The following DCC variants were observed in gnomAD, a reference collection of about 807,000 sequenced individuals.
DCC encodes netrin receptor DCC.
A neutral mutation model predicts 172.5 loss-of-function variants in DCC; 58 were observed. That is an observed-to-expected ratio of 0.34 (90% CI 0.27 to 0.42). DCC has a LOEUF of 0.42. Ranked by LOEUF, DCC falls within the 10% of genes least tolerant of loss-of-function variation. The pLI is 1.00. For synonymous variants in DCC, 709 were observed against 644.5 expected (o/e 1.10, Z -1.52); for missense variants, 1,740 against 1,791.0 (o/e 0.97, Z 0.51).
intron 7 of DCC, among the ~76,000 whole-genome samples, chr18:53,155,469 A>G (rs1271069566): frequency 6.6e-6 from 1 of 152,210 alleles, no homozygotes; most frequent in Non-Finnish European, 1.5e-5. Flanking sequence ...ATCACAGCAA[A>G]GCTGAATTAT....
At chr18:53,500,194 T>C (rs72918277) in intron 27 of DCC, among the ~76,000 whole-genome samples, 16,172 of 151,964 alleles carry the variant, frequency 0.11, 1,089 homozygotes, top group East Asian at 0.22. Context: ...CTCCATTTTG[T>C]TTTTGTTAGG....
At chr18:52,749,747 CTGTGTTAAATGTATTA>C (rs1484177030) in intron 1 of DCC, among the ~76,000 whole-genome samples, 1 of 152,112 alleles carries the variant, frequency 6.6e-6, no homozygotes. Flanking sequence ...TCATAAACAG[CTGTGTTAAATGTATTA>C]TGTGTTCTGT....
chr18:53,048,978 T>C (rs1599068494), intron 5 of DCC, among the ~76,000 whole-genome samples: 1 of 152,250 alleles, frequency 6.6e-6, no homozygotes, highest in Non-Finnish European at 1.5e-5. Context: ...TGTATGTATG[T>C]CTTCTTTTGA....
chr18:52,600,367 T>C (rs1173560875), intron 1 of DCC, among the ~76,000 whole-genome samples: 1 of 152,238 alleles, frequency 6.6e-6, no homozygotes, highest in Non-Finnish European at 1.5e-5. Flanking sequence ...ATTGGTCATT[T>C]GCACTCTTTT....
intron 1 of DCC, among the ~76,000 whole-genome samples, chr18:52,567,543 C>A (rs1041382971): frequency 2.0e-5 from 3 of 152,116 alleles, no homozygotes; most frequent in Non-Finnish European, 4.4e-5. Flanking sequence ...AGTGAGGTCT[C>A]AAACTCGTGG....
At chr18:52,705,140 C>T (rs1392347869) in intron 1 of DCC, among the ~76,000 whole-genome samples, 1 of 152,180 alleles carries the variant, frequency 6.6e-6, no homozygotes, top group South Asian at 2.1e-4. Context: ...TACATAAATG[C>T]TTGTCTCGCT....
At chr18:53,187,149 A>G (rs1025485369) in intron 9 of DCC, among the ~76,000 whole-genome samples, 1 of 148,672 alleles carries the variant, frequency 6.7e-6, no homozygotes, top group African/African-American at 2.5e-5. Flanking sequence ...TTGAGATGGA[A>G]TCTTGCACTC....
At chr18:52,374,096 G>A (rs982892560) in intron 1 of DCC, among the ~76,000 whole-genome samples, 42 of 151,632 alleles carry the variant, frequency 2.8e-4, no homozygotes, top group African/African-American at 9.9e-4. Flanking sequence ...GTTTCACTAT[G>A]TTAGCCAGGA....
intron 2 of DCC, among the ~76,000 whole-genome samples, chr18:52,854,863 C>T (rs1480309898): frequency 6.6e-6 from 1 of 152,152 alleles, no homozygotes; most frequent in African/African-American, 2.4e-5. Flanking sequence ...AGAGGCCTCC[C>T]AAGGACTGAC....
intron 1 of DCC, among the ~76,000 whole-genome samples, chr18:52,587,867 G>C (rs988832163): frequency 1.3e-5 from 2 of 152,148 alleles, no homozygotes; most frequent in Non-Finnish European, 2.9e-5. Flanking sequence ...TACAGGCTGG[G>C]GATGAGAAGG....
At chr18:53,284,448 G>C (rs1336056071) in intron 12 of DCC, among the ~76,000 whole-genome samples, 1 of 152,010 alleles carries the variant, frequency 6.6e-6, no homozygotes, top group Non-Finnish European at 1.5e-5. Flanking sequence ...TTAAAAATGG[G>C]GGTTTCCCTG....
At chr18:52,563,454 T>G (rs1056382423) in intron 1 of DCC, among the ~76,000 whole-genome samples, 1 of 152,130 alleles carries the variant, frequency 6.6e-6, no homozygotes. Flanking sequence ...GTCTAAATAT[T>G]AGTATGAACT....
At chr18:52,468,293 T>C (rs1057177262) in intron 1 of DCC, among the ~76,000 whole-genome samples, 2 of 152,208 alleles carry the variant, frequency 1.3e-5, no homozygotes, top group African/African-American at 4.8e-5. Context: ...AGCGAGATGA[T>C]GTAGTAACCA....
At chr18:53,393,918 T>TCTCTCTCTCTCTCTCC (rs1206586156) in intron 17 of DCC, among the ~76,000 whole-genome samples, 176 of 151,732 alleles carry the variant, frequency 1.2e-3, no homozygotes, top group African/African-American at 3.8e-3. Flanking sequence ...TCTCTCCCTC[T>TCTCTCTCTCTCTCTCC]CTCCCTCCCT....
chr18:52,601,337 C>T (rs2034013556), intron 1 of DCC, among the ~76,000 whole-genome samples: 2 of 151,942 alleles, frequency 1.3e-5, no homozygotes, highest in Non-Finnish European at 2.9e-5. Context: ...TTTGACTCAA[C>T]TTTGTAGTTT....
chr18:52,671,393 G>A (rs1007156284), intron 1 of DCC, among the ~76,000 whole-genome samples: 22 of 151,972 alleles, frequency 1.4e-4, no homozygotes, highest in African/African-American at 4.8e-4. Flanking sequence ...TCTTTTTAAT[G>A]TTATCTGCCA....
chr18:53,091,096 C>T (rs923033127), intron 7 of DCC, among the ~76,000 whole-genome samples: 17 of 151,912 alleles, frequency 1.1e-4, no homozygotes, highest in Non-Finnish European at 2.2e-4. Flanking sequence ...CCCCAACTCT[C>T]TATAGCATGT....
intron 5 of DCC, among the ~76,000 whole-genome samples, chr18:52,938,873 C>G (rs1356426152): frequency 6.6e-6 from 1 of 151,976 alleles, no homozygotes; most frequent in Non-Finnish European, 1.5e-5. Flanking sequence ...TATCTCTTCC[C>G]CCATCCAACT....
At chr18:53,066,724 AT>A (rs1167638953) in intron 7 of DCC, among the ~76,000 whole-genome samples, 2 of 151,972 alleles carry the variant, frequency 1.3e-5, no homozygotes, top group Non-Finnish European at 2.9e-5. Context: ...TAATTAGTGT[AT>A]TAGTCTGTTC....
Sources: allele counts gnomAD v4.1 joint callset (sites outside exome capture counted in the v4.1 genomes callset), GRCh38; gene constraint gnomAD v4.1.1; transcripts MANE v1.5; gene names NCBI Gene and HGNC (gene_info 2026-07-23, HGNC 2026-07-21).